PRR5: variants seen among roughly 807,000 people sequenced by gnomAD.
PRR5 encodes the protein proline rich 5, also known as proline-rich protein 5.
A neutral mutation model predicts 30.6 loss-of-function variants in PRR5; 25 were observed. The ratio of observed to expected loss-of-function variants is 0.82; its 90% CI spans 0.60 to 1.14. The LOEUF is 1.14. PRR5 is among the 50% of genes most tolerant of loss of function. The probability of loss-of-function intolerance (pLI) is 0.00; values close to 1 mark genes in which losing one functional copy is unlikely to be tolerated. For synonymous variants in PRR5, 286 were observed against 247.1 expected, an observed-to-expected ratio of 1.16 and a Z score of -1.48; for missense variants, 600 against 547.1, an observed-to-expected ratio of 1.10 and a Z score of -0.96.
chr22:44,736,181 T>C (rs535969811), intron 7 of PRR5, among the ~76,000 whole-genome samples: 1 of 152,256 alleles, frequency 6.6e-6, no homozygotes, highest in East Asian at 1.9e-4. Context: ...CCACAGTCTA[T>C]TACTCTCCAC....
chr22:44,730,721 C>G lies in PRR5; in HGVS notation c.323-1009C>G, dbSNP rs915755469. The stretch of plus-strand genomic sequence containing the variant: ...AGCCCTCCCTGCCTGACCCTCTGCA[C>G]CCTCTTCTTCCTTCGACGTGGTGCT... On this transcript the variant is annotated intron_variant, in intron 4 of 7. Transcript: ENST00000336985. 5.3e-6 allele frequency: 5 copies of G among 950,596 alleles called. No homozygotes were observed. The African/African-American group carries it at 7.1e-5, about 14-fold the overall frequency. 58.9% of individuals were successfully genotyped at this position (950,596 alleles called of 1,614,324 possible).
At chr22:44,724,088 G>GT (rs1481064841) in intron 2 of PRR5, among the ~76,000 whole-genome samples, 1 of 152,200 alleles carries the variant, frequency 6.6e-6, no homozygotes, top group African/African-American at 2.4e-5. Flanking sequence ...ACTGAAACTT[G>GT]TATGTATCAG....
chr22:44,729,296 A>G lies in PRR5; in HGVS notation c.323-2434A>G, dbSNP rs1437777553. ...CCTGAGTCTCCCGACGGGCTGAAAC[A>G]GGGTTGTTGGTTTGCAGGGCCTGCA... On this transcript the variant is annotated intron_variant, in intron 4 of 7. Coordinates refer to ENST00000336985, the MANE Select transcript of PRR5 (RefSeq NM_181333.4). 4.2e-6 allele frequency: 4 copies of G among 957,818 alleles called. No individual in the cohort carries two copies. The African/African-American group carries it at 5.3e-5, about 13-fold the overall frequency. The allele number at this position is 957,818 out of a possible 1,614,324, so 59.3% of individuals were successfully genotyped here. A position where few individuals can be genotyped will look rare whatever the true frequency, so the allele number is the denominator to read the frequency against.
At position 44,678,021 on chromosome 22, in the gene PRR5, G is replaced by A. The variant is rs187225580; in HGVS notation, c.-11+781G>A. Among the ~76,000 whole-genome samples, 141 of 152,320 alleles carry A rather than the reference G, an allele frequency of 9.3e-4. 1 individual carries two copies. The highest frequency in any genetic ancestry group is 3.1e-3 in the African/African-American group (128 of 41,568). On this transcript the variant is annotated intron_variant, in intron 1 of 8. Coordinates refer to the PRR5 transcript ENST00000006251. ...TCAAGGACCAGCTGGTTTTAAGGTGGAAGTTTTGCCTAAGGTGCTTAGAGT... is the reference window on the plus strand; with the variant it reads ...TCAAGGACCAGCTGGTTTTAAGGTGAAAGTTTTGCCTAAGGTGCTTAGAGT...
At chr22:44,719,187 C>T (rs566871026) in intron 2 of PRR5, among the ~76,000 whole-genome samples, 6 of 151,878 alleles carry the variant, frequency 4.0e-5, no homozygotes, top group African/African-American at 7.3e-5. Flanking sequence ...TCAAGTGATC[C>T]TCCCACCTCA....
At chr22:44,694,156 C>T (rs1403016494) in intron 1 of PRR5, among the ~76,000 whole-genome samples, 1 of 152,220 alleles carries the variant, frequency 6.6e-6, no homozygotes, top group African/African-American at 2.4e-5. Flanking sequence ...ATTGTCAGAA[C>T]AGGAAGCTTC....
intron 6 of PRR5, chr22:44,734,700 A>C: frequency 3.2e-6 from 1 of 308,724 alleles, no homozygotes; most frequent in Non-Finnish European, 6.0e-6. Flanking sequence ...GACTGTCCAA[A>C]GCCTCTAGGA....
rs998803374 is a variant in PRR5 at position 44,729,641 on chromosome 22, G to A, written c.323-2089G>A. 12 of 985,318 alleles carry A rather than the reference G, an allele frequency of 1.2e-5. No homozygotes were observed. In the African/African-American group the frequency reaches 1.2e-4, roughly 10 times the overall value. 61.0% of individuals were successfully genotyped at this position (985,318 alleles called of 1,614,324 possible). A position where few individuals can be genotyped will look rare whatever the true frequency, so the allele number is the denominator to read the frequency against. On this transcript the variant is annotated intron_variant, in intron 4 of 7. Coordinates refer to ENST00000336985, the MANE Select transcript of PRR5 (RefSeq NM_181333.4). The stretch of plus-strand genomic sequence containing the variant: ...CTGGGGTCGCCCCATACCTGCCTCC[G>A]ACTAACCCTACTGCCCCACAGAGGG...
intron 1 of PRR5, among the ~76,000 whole-genome samples, chr22:44,694,542 ACT>A (rs958753373): frequency 5.9e-4 from 90 of 151,860 alleles, no homozygotes; most frequent in African/African-American, 1.9e-3. Context: ...ATGCACGGAC[ACT>A]CTGTTCTGGG....
intron 1 of PRR5, among the ~76,000 whole-genome samples, chr22:44,706,549 A>G (rs1002682629): frequency 2.6e-5 from 4 of 152,076 alleles, no homozygotes; most frequent in African/African-American, 4.8e-5. Flanking sequence ...TTCTCTTTTG[A>G]GAGAGGGTCT....
rs759629082 is a variant in PRR5 at position 44,723,164 on chromosome 22, TTAG to T, written c.216-2076_216-2074del. On this transcript the variant is annotated intron_variant, in intron 2 of 7. Transcript: ENST00000336985. ...CCACGCCCAGCTAATTTTTGCATTT[TTAG>T]TAGATGGGGTGTCACCATGTTGGCC... Among the ~76,000 whole-genome samples, 245 of 151,878 alleles carry T rather than the reference TTAG, an allele frequency of 1.6e-3. 7 individuals carry two copies. In the East Asian group the frequency reaches 0.044, roughly 27 times the overall value.
At chr22:44,692,788 G>A (rs1340466177) in intron 1 of PRR5, among the ~76,000 whole-genome samples, 5 of 152,236 alleles carry the variant, frequency 3.3e-5, no homozygotes, top group Non-Finnish European at 7.3e-5. Flanking sequence ...CAGTCTGCAG[G>A]TCTGCAGAGC....
intron 1 of PRR5, among the ~76,000 whole-genome samples, chr22:44,703,240 T>C (rs2147010316): frequency 6.6e-6 from 1 of 152,250 alleles, no homozygotes; most frequent in Admixed American, 6.5e-5. Flanking sequence ...ACGGTTTATT[T>C]AGTGGAACTC....
intron 2 of PRR5, among the ~76,000 whole-genome samples, chr22:44,723,151 A>T (rs1277524905): frequency 2.0e-5 from 3 of 151,694 alleles, no homozygotes; most frequent in African/African-American, 4.8e-5. Context: ...ACGCCCAGCT[A>T]ATTTTTGCAT....
At chr22:44,685,487 C>T (rs1924660967) in intron 1 of PRR5, among the ~76,000 whole-genome samples, 1 of 152,176 alleles carries the variant, frequency 6.6e-6, no homozygotes, top group Non-Finnish European at 1.5e-5. Flanking sequence ...CATGCTTATC[C>T]CTCAGTTTCT....
intron 2 of PRR5, among the ~76,000 whole-genome samples, chr22:44,715,062 G>A (rs934633980): frequency 1.3e-5 from 2 of 152,224 alleles, no homozygotes; most frequent in African/African-American, 2.4e-5. Context: ...GCCTAACGAC[G>A]GGAGTGTTAT....
At chr22:44,724,568 C>T (rs1930401496) in intron 2 of PRR5, among the ~76,000 whole-genome samples, 1 of 152,156 alleles carries the variant, frequency 6.6e-6, no homozygotes, top group Admixed American at 6.6e-5. Context: ...GTACTTTCAG[C>T]CTGGCTGGTG....
rs1923490584 is a variant in PRR5 at position 44,737,433 on chromosome 22, C to T, written c.*186C>T. ...AATACCATCAGCCTTCCTTGCTCGG[C>T]CCAGGTCTGTTTCAGGCATCTGAGT... On this transcript the variant is annotated 3_prime_UTR_variant, in exon 8 of 8. Transcript: ENST00000336985. The T allele has an allele frequency of 1.6e-6, 2 of 1,268,424 alleles. No individual in the cohort carries two copies. The highest frequency in any genetic ancestry group is 2.9e-5 in the Admixed American group (1 of 34,120). 78.6% of individuals were successfully genotyped at this position (1,268,424 alleles called of 1,614,324 possible).
At chr22:44,718,742 G>C (rs1459594973) in intron 2 of PRR5, among the ~76,000 whole-genome samples, 2 of 152,212 alleles carry the variant, frequency 1.3e-5, no homozygotes, top group African/African-American at 4.8e-5. Flanking sequence ...TTTCCCTGAT[G>C]ACTGATGATG....
Sources: allele counts gnomAD v4.1 joint callset (sites outside exome capture counted in the v4.1 genomes callset), GRCh38; gene constraint gnomAD v4.1.1; transcripts MANE v1.5; gene names NCBI Gene and HGNC (gene_info 2026-07-23, HGNC 2026-07-21).